TLN2: variants seen among roughly 807,000 people sequenced by gnomAD.
TLN2 encodes talin 2, also known as talin-2.
A neutral mutation model predicts 294.7 loss-of-function variants in TLN2; 118 were observed. The ratio of observed to expected loss-of-function variants is 0.40; its 90% CI spans 0.34 to 0.47. The LOEUF (loss-of-function observed/expected upper bound fraction) is 0.47, where lower values mean the gene tolerates loss of function less well. TLN2 is among the 20% of genes least tolerant of loss of function. TLN2 has a pLI of 0.84. For missense variants in TLN2, 3,083 were observed against 3,282.2 expected, an observed-to-expected ratio of 0.94 and a Z score of 1.48; for synonymous variants, 1,431 against 1,304.5, an observed-to-expected ratio of 1.10 and a Z score of -2.09.
chr15:62,474,882 T>C (rs2037698433), intron 1 of TLN2, among the ~76,000 whole-genome samples: 1 of 151,958 alleles, frequency 6.6e-6, no homozygotes, highest in African/African-American at 2.4e-5. Context: ...GAAATCTGCA[T>C]CTCACTCTCT....
At chr15:62,578,765 G>A (rs2140678215) in intron 1 of TLN2, among the ~76,000 whole-genome samples, 1 of 152,320 alleles carries the variant, frequency 6.6e-6, no homozygotes, top group South Asian at 2.1e-4. Context: ...CCTCGCATCA[G>A]CTCGTGAGGG....
At chr15:62,691,290 C>G (rs2057888910) in intron 12 of TLN2, among the ~76,000 whole-genome samples, 1 of 152,068 alleles carries the variant, frequency 6.6e-6, no homozygotes, top group Non-Finnish European at 1.5e-5. Flanking sequence ...AGTTTCTTTT[C>G]TCTATATTGT....
intron 37 of TLN2, among the ~76,000 whole-genome samples, chr15:62,757,434 A>G (rs541548347): frequency 6.6e-6 from 1 of 152,352 alleles, no homozygotes; most frequent in East Asian, 1.9e-4. Flanking sequence ...GTTAAAATCA[A>G]TCATTTTCTG....
chr15:62,482,017 G>A (rs1022328059), intron 1 of TLN2, among the ~76,000 whole-genome samples: 52 of 151,530 alleles, frequency 3.4e-4, no homozygotes, highest in African/African-American at 1.2e-3. Context: ...GGCTGGTCTC[G>A]AACTCCTGAC....
intron 10 of TLN2, among the ~76,000 whole-genome samples, chr15:62,674,858 G>C (rs1367986844): frequency 6.6e-6 from 1 of 152,188 alleles, no homozygotes; most frequent in African/African-American, 2.4e-5. Flanking sequence ...CTTTTTCTTG[G>C]TATCATTTAA....
intron 50 of TLN2, among the ~76,000 whole-genome samples, chr15:62,801,129 C>T (rs1037016495): frequency 6.6e-6 from 1 of 152,170 alleles, no homozygotes; most frequent in Non-Finnish European, 1.5e-5. Context: ...AGTGCTTAGC[C>T]TTTCTTGATG....
intron 32 of TLN2, among the ~76,000 whole-genome samples, chr15:62,744,876 A>G (rs970475696): frequency 2.0e-5 from 3 of 152,182 alleles, no homozygotes; most frequent in East Asian, 3.8e-4. Context: ...GTGCCTTGAC[A>G]TAACAGGACC....
rs111373365 is a variant in TLN2, at chr15:62,431,822, C to A, written c.-238+41137C>A. ...ACCAGAAACCCATGTATATTTAATTCTATGCCTCTGTGCAGCTTGGTGTAA... is the reference window on the plus strand; with the variant it reads ...ACCAGAAACCCATGTATATTTAATTATATGCCTCTGTGCAGCTTGGTGTAA... On this transcript the variant is annotated intron_variant, in intron 1 of 58. Coordinates refer to ENST00000636159, the MANE Select transcript of TLN2 (RefSeq NM_015059.3). Among the ~76,000 whole-genome samples the A allele has an allele frequency of 4.3e-3, 653 of 152,316 alleles. 3 individuals carry two copies. Among genetic ancestry groups the A allele is most frequent in the African/African-American group, 0.015 (629 of 41,560 alleles).
intron 2 of TLN2, among the ~76,000 whole-genome samples, chr15:62,599,470 A>G (rs953925139): frequency 6.6e-6 from 1 of 152,238 alleles, no homozygotes; most frequent in Non-Finnish European, 1.5e-5. Context: ...TCTATTATAC[A>G]AAGATCAGTA....
chr15:62,566,238 AGGCTACAGATGAGC>A (rs1385441977), intron 1 of TLN2, among the ~76,000 whole-genome samples: 1 of 152,102 alleles, frequency 6.6e-6, no homozygotes, highest in East Asian at 1.9e-4. Flanking sequence ...GAAAGTTAGA[AGGCTACAGATGAGC>A]GGGACATCAG....
chr15:62,670,820 CAAG>C (rs2055312741), intron 9 of TLN2, among the ~76,000 whole-genome samples: 1 of 152,096 alleles, frequency 6.6e-6, no homozygotes, highest in Non-Finnish European at 1.5e-5. Flanking sequence ...GGGCATATGT[CAAG>C]GAGCAGAATT....
At chr15:62,671,710 T>G (rs1399444000) in intron 9 of TLN2, among the ~76,000 whole-genome samples, 1 of 152,232 alleles carries the variant, frequency 6.6e-6, no homozygotes, top group Non-Finnish European at 1.5e-5. Context: ...TTCTTGTATC[T>G]CTTTTAATTT....
At position 62,757,461 on chromosome 15, in the gene TLN2, A is replaced by G. The variant is rs7163114; in HGVS notation, c.4638+1768A>G. Among the ~76,000 whole-genome samples, 1,392 of 152,318 alleles carry G rather than the reference A, an allele frequency of 9.1e-3. 19 individuals are homozygous for G. Among genetic ancestry groups the G allele is most frequent in the African/African-American group, 0.032 (1,318 of 41,566 alleles). On this transcript the variant is annotated intron_variant, in intron 37 of 58. Transcript: ENST00000636159. ...CATTTTCTGGTCGTTAAAAAACATT[A>G]TATTTAGATGGACCAACGGAGTAAA... is the stretch of plus-strand genomic sequence containing the variant.
chr15:62,736,918 G>C lies in TLN2; in HGVS notation c.3399G>C (p.Leu1133=), dbSNP rs567756208. 30 of 1,614,162 alleles carry C rather than the reference G, an allele frequency of 1.9e-5. No homozygotes were observed. The East Asian group carries it at 4.9e-4, about 26-fold the overall frequency. The stretch of plus-strand genomic sequence containing the variant: ...AGACGGCCCAAGCTCTGAAAACACT[G>C]GCCCAGGCCGCCCGTGGAGTGGCTG... ...ARETAQALKT[L]AQAARGVAAS... Residue 1133 remains leucine (L), a synonymous_variant, in exon 29 of 59, where the codon CTG becomes CTC. Coordinates refer to ENST00000636159, the MANE Select transcript of TLN2 (RefSeq NM_015059.3).
At chr15:62,474,026 G>T (rs529172579) in intron 1 of TLN2, among the ~76,000 whole-genome samples, 6 of 152,264 alleles carry the variant, frequency 3.9e-5, no homozygotes, top group Middle Eastern at 3.4e-3. Flanking sequence ...CCCCGGAGGC[G>T]GAAGTTGCAG....
intron 1 of TLN2, among the ~76,000 whole-genome samples, chr15:62,545,514 T>TTGTGTGTGTGTGTGTGTGTGTGTG (rs56777565): frequency 4.2e-4 from 61 of 146,028 alleles, no homozygotes; most frequent in African/African-American, 1.4e-3. Flanking sequence ...TTCTTTCTCT[T>TTGTGTGTGTGTGTGTGTGTGTGTG]TGTGTGTGTG....
At chr15:62,578,700 T>C (rs1273283000) in intron 1 of TLN2, among the ~76,000 whole-genome samples, 1 of 152,138 alleles carries the variant, frequency 6.6e-6, no homozygotes, top group African/African-American at 2.4e-5. Context: ...AGAGGCCGCA[T>C]GTGGGGAGGG....
intron 45 of TLN2, 47 bp from the exon 46 acceptor site, chr15:62,792,594 A>G (rs745454186): frequency 1.3e-6 from 2 of 1,592,932 alleles, no homozygotes; most frequent in Non-Finnish European, 1.7e-6. Context: ...CCTCGATGGC[A>G]GAGTCCATCA....
intron 1 of TLN2, among the ~76,000 whole-genome samples, chr15:62,526,415 T>TA (rs1489914097): frequency 6.6e-6 from 1 of 152,150 alleles, no homozygotes; most frequent in Non-Finnish European, 1.5e-5. Flanking sequence ...TATGAACACA[T>TA]ACAGCCATCA....
Sources: allele counts gnomAD v4.1 joint callset (sites outside exome capture counted in the v4.1 genomes callset), GRCh38; gene constraint gnomAD v4.1.1; transcripts MANE v1.5; gene names NCBI Gene and HGNC (gene_info 2026-07-23, HGNC 2026-07-21).